TTC7B: variants seen among roughly 807,000 people sequenced by gnomAD.
TTC7B encodes the protein tetratricopeptide repeat protein 7B.
Under a neutral mutation model 106.8 loss-of-function variants are expected in TTC7B, and 28 were observed. The observed-to-expected ratio is 0.26, with a 90% CI of 0.19 to 0.36. TTC7B has a LOEUF of 0.36. TTC7B is among the 10% of genes least tolerant of loss of function. TTC7B has a pLI of 1.00. For synonymous variants in TTC7B, 405 were observed against 430.6 expected (o/e 0.94, Z 0.74); for missense variants, 862 against 1,076.4 (o/e 0.80, Z 2.79).
chr14:90,590,990 C>T (rs2139819195), intron 18 of TTC7B, among the ~76,000 whole-genome samples: 1 of 152,264 alleles, frequency 6.6e-6, no homozygotes, highest in Middle Eastern at 3.4e-3. Context: ...TTGACTCTGT[C>T]CTATGGGCCA....
At chr14:90,596,302 T>C (rs1892200397) in intron 17 of TTC7B, among the ~76,000 whole-genome samples, 1 of 152,212 alleles carries the variant, frequency 6.6e-6, no homozygotes. Flanking sequence ...AACTGTTTTG[T>C]TTGGTCCACA....
chr14:90,611,802 C>T (rs896548414), intron 16 of TTC7B, among the ~76,000 whole-genome samples: 1 of 152,184 alleles, frequency 6.6e-6, no homozygotes, highest in Non-Finnish European at 1.5e-5. Context: ...TTTTTAAATT[C>T]TAGGAGGCTC....
chr14:90,556,588 C>A (rs545683907), intron 19 of TTC7B, among the ~76,000 whole-genome samples: 87 of 152,306 alleles, frequency 5.7e-4, no homozygotes, highest in African/African-American at 2.0e-3. Context: ...AACAAGAAGT[C>A]AGGCAGAAAC....
intron 3 of TTC7B, among the ~76,000 whole-genome samples, chr14:90,761,241 C>G (rs929642352): frequency 6.6e-6 from 1 of 151,708 alleles, no homozygotes; most frequent in Non-Finnish European, 1.5e-5. Context: ...TGATTACCAG[C>G]CATTGTTCCA....
intron 3 of TTC7B, among the ~76,000 whole-genome samples, chr14:90,768,465 C>T (rs1370624644): frequency 6.6e-6 from 1 of 152,168 alleles, no homozygotes; most frequent in Non-Finnish European, 1.5e-5. Context: ...AAACCGTACC[C>T]ATGAACAAAT....
At chr14:90,790,685 C>T (rs746988606) in intron 1 of TTC7B, among the ~76,000 whole-genome samples, 6 of 152,126 alleles carry the variant, frequency 3.9e-5, no homozygotes, top group South Asian at 2.1e-4. Flanking sequence ...GCAGAAACAA[C>T]GGGAGATCAG....
At chr14:90,609,987 C>A (rs1460677643) in intron 17 of TTC7B, among the ~76,000 whole-genome samples, 1 of 152,154 alleles carries the variant, frequency 6.6e-6, no homozygotes, top group South Asian at 2.1e-4. Flanking sequence ...GAACAAAATT[C>A]TTTAAAATAT....
At chr14:90,746,727 A>T (rs1292880182) in intron 3 of TTC7B, among the ~76,000 whole-genome samples, 1 of 152,256 alleles carries the variant, frequency 6.6e-6, no homozygotes, top group Non-Finnish European at 1.5e-5. Context: ...ATTTCTCCGT[A>T]AGGTCTGCTT....
chr14:90,658,528 C>T, intron 9 of TTC7B, 141 bp from the exon 10 acceptor site: 1 of 781,632 alleles, frequency 1.3e-6, no homozygotes, highest in Middle Eastern at 3.2e-4. Flanking sequence ...TAATCCACCA[C>T]CAAACGGCTC....
intron 18 of TTC7B, among the ~76,000 whole-genome samples, chr14:90,581,583 G>T (rs564114167): frequency 6.6e-6 from 1 of 152,290 alleles, no homozygotes; most frequent in East Asian, 1.9e-4. Flanking sequence ...TCACTGCCAA[G>T]CTGGGAGTGA....
intron 17 of TTC7B, 35 bp downstream of exon 17, chr14:90,610,707 A>G: frequency 6.8e-7 from 1 of 1,475,296 alleles, no homozygotes; most frequent in Non-Finnish European, 9.5e-7. Flanking sequence ...ATTCTCCATT[A>G]CACCATTTCG....
chr14:90,766,786 A>G, intron 3 of TTC7B: 1 of 1,577,966 alleles, frequency 6.3e-7, no homozygotes, highest in South Asian at 1.1e-5. Flanking sequence ...GTTCTTGAAC[A>G]CACAGAAGGA....
chr14:90,694,712 T>TATAAAATATATTTTATTTTATA (rs1887621967), intron 6 of TTC7B, among the ~76,000 whole-genome samples: 2 of 141,334 alleles, frequency 1.4e-5, no homozygotes, highest in Non-Finnish European at 3.0e-5. Flanking sequence ...TTTATTTTAT[T>TATAAAATATATTTTATTTTATA]ATAAAATAGG....
In TTC7B at chr14:90,528,451, G is replaced by A. The variant is rs1051034109; in HGVS notation, c.*12917C>T. On this transcript the variant is annotated 3_prime_UTR_variant, in exon 20 of 20. Transcript: ENST00000328459. The stretch of plus-strand genomic sequence containing the variant: ...GCTGGGGTGCAGTGGCATAATCACT[G>A]CAGCCTTGACCTCCCACTTTGTTAC... 4 of 152,648 alleles carry A rather than the reference G, an allele frequency of 2.6e-5. No individual in the cohort carries two copies. Among genetic ancestry groups the A allele is most frequent in the Admixed American group, 1.3e-4 (2 of 15,286 alleles). 9.5% of individuals were successfully genotyped at this position (152,648 alleles called of 1,614,324 possible). A position where few individuals can be genotyped will look rare whatever the true frequency, so the allele number is the denominator to read the frequency against.
chr14:90,756,646 C>T (rs1329943485), intron 3 of TTC7B, among the ~76,000 whole-genome samples: 10 of 152,212 alleles, frequency 6.6e-5, no homozygotes, highest in African/African-American at 1.2e-4. Context: ...CTGCCTGCCT[C>T]GGCCTCCCAA....
intron 18 of TTC7B, among the ~76,000 whole-genome samples, chr14:90,581,948 G>A (rs1305772919): frequency 6.6e-6 from 1 of 152,148 alleles, no homozygotes; most frequent in African/African-American, 2.4e-5. Flanking sequence ...AGCCCCCATG[G>A]CACTTTTCAG....
chr14:90,769,535 G>A (rs767134102), intron 3 of TTC7B, among the ~76,000 whole-genome samples: 4 of 152,244 alleles, frequency 2.6e-5, no homozygotes, highest in Non-Finnish European at 5.9e-5. Context: ...GGAGGCTGAG[G>A]TGGGAGGATT....
chr14:90,684,525 C>T (rs1002001196), intron 7 of TTC7B, among the ~76,000 whole-genome samples: 2 of 152,100 alleles, frequency 1.3e-5, no homozygotes, highest in African/African-American at 4.8e-5. Context: ...GGAGGACAGT[C>T]ATAAAATGAA....
chr14:90,617,833 ACAGAGTTAATGCCTGCTAAATGCCAAT>A (rs1437457384), intron 16 of TTC7B, 69 bp downstream of exon 16: 66 of 912,298 alleles, frequency 7.2e-5, no homozygotes, highest in Non-Finnish European at 1.1e-5. Flanking sequence ...CACAGGGGTG[ACAGAGTTAATGCCTGCTAAATGCCAAT>A]CAGAGAAGGC....
Sources: gnomAD v4.1 joint callset for allele counts (sites outside exome capture counted in the v4.1 genomes callset) on GRCh38, gnomAD v4.1.1 for gene constraint, MANE v1.5 for transcripts, NCBI Gene and HGNC (gene_info 2026-07-23, HGNC 2026-07-21) for gene names.